Variants in SIK3 observed in about 807,000 individuals in gnomAD.
SIK3 encodes serine/threonine-protein kinase SIK3.
Under a neutral mutation model 144.2 loss-of-function variants are expected in SIK3, and 28 were observed. That is an observed-to-expected ratio of 0.19 (90% CI 0.14 to 0.27). The LOEUF is 0.27. SIK3 is among the 10% of genes least tolerant of loss of function. The pLI, the probability that SIK3 is intolerant of heterozygous loss-of-function variation, is 1.00. For synonymous variants in SIK3, 686 were observed against 676.3 expected, an observed-to-expected ratio of 1.01 and a Z score of -0.22; for missense variants, 1,319 against 1,776.0, an observed-to-expected ratio of 0.74 and a Z score of 4.62.
chr11:116,857,861 A>T lies in SIK3; in HGVS notation c.3604T>A (p.Tyr1202Asn). The T allele has an allele frequency of 1.2e-6, 2 of 1,614,232 alleles. No individual in the cohort carries two copies. The highest frequency in any genetic ancestry group is 1.7e-6 in the Non-Finnish European group (2 of 1,180,046). ...SHAQELGIHP[Y>N]GHQPTAAFSK... ...AATGCAGCAGTTGGCTGATGACCATAGGGATGTATCCCCAATTCTTGGGCA... is the reference window on the plus strand; with the variant it reads ...AATGCAGCAGTTGGCTGATGACCATTGGGATGTATCCCCAATTCTTGGGCA... Residue 1202 changes from tyrosine to asparagine, a missense_variant, in exon 21 of 25, where the codon TAT becomes AAT. By Grantham distance (143) the Tyr-to-Asn change is moderately radical. This residue lies in a region of SIK3 where 646 missense variants were observed against 763.7 expected (regional missense o/e 0.85). Transcript: ENST00000445177.
chr11:116,849,303 T>C lies in SIK3; in HGVS notation c.3656-20A>G. 1 of 1,613,752 alleles carries C rather than the reference T, an allele frequency of 6.2e-7. No individual in the cohort carries two copies. The highest frequency in any genetic ancestry group is 8.5e-7 in the Non-Finnish European group (1 of 1,179,810). On this transcript the variant is annotated intron_variant, in intron 21 of 24. Coordinates refer to ENST00000445177, the MANE Select transcript of SIK3 (RefSeq NM_001366686.3). The surrounding 1 kb of genome is among the most constrained non-coding windows in gnomAD (Gnocchi z 4.2). Reference sequence around the variant, plus strand: ...CAGGCTCTGAGGAGACACAGCAGAATAGAGTCAGTGGGGCGGAACTTCTCC... The same window carrying C: ...CAGGCTCTGAGGAGACACAGCAGAACAGAGTCAGTGGGGCGGAACTTCTCC...
chr11:117,080,089 A>G (rs773757338), intron 1 of SIK3, among the ~76,000 whole-genome samples: 5 of 152,198 alleles, frequency 3.3e-5, no homozygotes, highest in Non-Finnish European at 7.3e-5. Flanking sequence ...ATGAATAAGA[A>G]AAAGCCAAAA....
intron 1 of SIK3, among the ~76,000 whole-genome samples, chr11:117,043,394 T>C (rs1952826444): frequency 6.6e-6 from 1 of 152,214 alleles, no homozygotes; most frequent in African/African-American, 2.4e-5. Flanking sequence ...TCAGCCTGGA[T>C]ACTTACACTG....
chr11:116,895,763 G>C (rs759436732), intron 6 of SIK3, among the ~76,000 whole-genome samples: 3 of 152,136 alleles, frequency 2.0e-5, no homozygotes, highest in Non-Finnish European at 4.4e-5. Context: ...AAAGAGCACA[G>C]AAATAGGAAA....
chr11:116,991,505 A>G (rs1165330747), intron 1 of SIK3, among the ~76,000 whole-genome samples: 1 of 152,218 alleles, frequency 6.6e-6, no homozygotes, highest in African/African-American at 2.4e-5. Flanking sequence ...GAGGGAAGGG[A>G]GAGAAACAGG....
chr11:116,865,112 G>A (rs1943560500), intron 15 of SIK3: 1 of 152,182 alleles, frequency 6.6e-6, no homozygotes, highest in Admixed American at 6.5e-5. Context: ...AGGCTGTGTT[G>A]AGAAGCATTT....
intron 6 of SIK3, 101 bp from the exon 7 acceptor site, chr11:116,877,143 C>T (rs1471927006): frequency 1.0e-6 from 1 of 952,492 alleles, no homozygotes. Flanking sequence ...ATCCAACTCC[C>T]TGCTTCTAAT....
chr11:116,852,823 C>T (rs574854828), intron 21 of SIK3, among the ~76,000 whole-genome samples: 1 of 152,150 alleles, frequency 6.6e-6, no homozygotes, highest in Non-Finnish European at 1.5e-5. Flanking sequence ...GCCTCTGATT[C>T]AGGACAGACA....
chr11:117,088,466 T>C (rs1158226138), intron 1 of SIK3, among the ~76,000 whole-genome samples: 1 of 152,176 alleles, frequency 6.6e-6, no homozygotes, highest in East Asian at 1.9e-4. Context: ...ATAGTAAAAG[T>C]CAAAAGATGT....
chr11:116,875,759 G>A, intron 9 of SIK3, 107 bp downstream of exon 9: 1 of 1,322,030 alleles, frequency 7.6e-7, no homozygotes. Flanking sequence ...AGGAGACAGA[G>A]GTAAGGAAGA....
chr11:117,092,989 T>C (rs1441028985), intron 1 of SIK3, among the ~76,000 whole-genome samples: 1 of 152,102 alleles, frequency 6.6e-6, no homozygotes, highest in African/African-American at 2.4e-5. Context: ...GTATTTTGAC[T>C]CTGGAGAGAC....
chr11:116,990,891 A>C (rs1950478284), intron 1 of SIK3, among the ~76,000 whole-genome samples: 1 of 152,180 alleles, frequency 6.6e-6, no homozygotes, highest in South Asian at 2.1e-4. Flanking sequence ...TTCACATTCC[A>C]TTAATTTTCT....
At chr11:116,960,092 A>G (rs1949285483) in intron 1 of SIK3, among the ~76,000 whole-genome samples, 1 of 152,206 alleles carries the variant, frequency 6.6e-6, no homozygotes, top group Non-Finnish European at 1.5e-5. Context: ...TTACAAACAA[A>G]TGTACTTCAT....
At chr11:116,936,971 T>G (rs539136044) in intron 3 of SIK3, among the ~76,000 whole-genome samples, 2 of 152,334 alleles carry the variant, frequency 1.3e-5, no homozygotes, top group African/African-American at 4.8e-5. Context: ...AGCTTAAAGG[T>G]CATTTCTCTG....
intron 3 of SIK3, among the ~76,000 whole-genome samples, chr11:116,934,243 T>C (rs1240163824): frequency 6.6e-6 from 1 of 152,224 alleles, no homozygotes; most frequent in Non-Finnish European, 1.5e-5. Context: ...ATGAACGGTA[T>C]CTGACGCATA....
At chr11:117,019,907 A>C in intron 1 of SIK3, among the ~76,000 whole-genome samples, 1 of 152,170 alleles carries the variant, frequency 6.6e-6, no homozygotes, top group East Asian at 1.9e-4. Flanking sequence ...AAAAAAAAGA[A>C]AAAAAGGAAG....
chr11:117,069,023 T>G (rs1954141078), intron 1 of SIK3, among the ~76,000 whole-genome samples: 1 of 152,114 alleles, frequency 6.6e-6, no homozygotes, highest in Non-Finnish European at 1.5e-5. Flanking sequence ...GCACTACAGA[T>G]AGATTGAAAC....
intron 4 of SIK3, among the ~76,000 whole-genome samples, chr11:116,898,502 GC>G (rs1945551729): frequency 6.6e-6 from 1 of 151,974 alleles, no homozygotes; most frequent in Non-Finnish European, 1.5e-5. Context: ...TAATGGGATG[GC>G]TGGGTCAAAT....
At chr11:116,957,933 C>T (rs1438599382) in intron 1 of SIK3, among the ~76,000 whole-genome samples, 1 of 152,166 alleles carries the variant, frequency 6.6e-6, no homozygotes, top group African/African-American at 2.4e-5. Context: ...ATAAGATACT[C>T]ATCAGCAAAT....
Sources: allele counts gnomAD v4.1 joint callset (sites outside exome capture counted in the v4.1 genomes callset), GRCh38; gene constraint gnomAD v4.1.1; regional missense constraint gnomAD v4.1.1; non-coding constraint Gnocchi (gnomAD v3.1); transcripts MANE v1.5; gene names NCBI Gene and HGNC (gene_info 2026-07-23, HGNC 2026-07-21).